GABRD: variants seen among roughly 807,000 people sequenced by gnomAD.
The protein encoded by GABRD is gamma-aminobutyric acid type A receptor subunit delta.
GABRD carries 25 observed loss-of-function variants against 47.3 expected under a neutral mutation model. The observed-to-expected ratio is 0.53, with a 90% CI of 0.39 to 0.74. The LOEUF (loss-of-function observed/expected upper bound fraction) is 0.74. Ranked by LOEUF, GABRD falls within the 30% of genes least tolerant of loss-of-function variation. The pLI, the probability that GABRD is intolerant of heterozygous loss-of-function variation, is 0.00. For synonymous variants in GABRD, 314 were observed against 278.8 expected, an observed-to-expected ratio of 1.13 and a Z score of -1.26; for missense variants, 497 against 643.4, an observed-to-expected ratio of 0.77 and a Z score of 2.46.
intron 1 of GABRD, among the ~76,000 whole-genome samples, chr1:2,023,223 C>A (rs1027790336): frequency 2.0e-5 from 3 of 152,060 alleles, no homozygotes; most frequent in African/African-American, 7.2e-5. Flanking sequence ...CTGTGCCCTG[C>A]CCCTTGCCTC....
At position 2,028,222 on chromosome 1, in the gene GABRD, C is replaced by A. The variant is rs1466292262; in HGVS notation, c.621C>A (p.Asp207Glu). The A allele has an allele frequency of 1.2e-6, 2 of 1,612,372 alleles. No homozygotes were observed. The highest frequency in any genetic ancestry group is 2.7e-5 in the African/African-American group (2 of 74,896). The stretch of plus-strand genomic sequence containing the variant: ...GCCAGGAGCACATCCACGGGCTGGA[C>A]AAGCTGCAGCTGGCGCAGTTCACCA... ...SESQEHIHGL[D>E]KLQLAQFTIT... The change falls in exon 6 of 9, where the codon GAC becomes GAA. Residue 207 changes from aspartate to glutamate, a missense_variant. Asp to Glu is a conservative substitution (Grantham distance 45, BLOSUM62 2). Coordinates refer to ENST00000378585, the MANE Select transcript of GABRD (RefSeq NM_000815.5). The surrounding 1 kb of genome is among the most constrained non-coding windows in gnomAD (Gnocchi z 6.4).
rs751291944 is a variant in GABRD at position 2,029,193 on chromosome 1, C to T, written c.774C>T (p.Ser258=). Residue 258 remains serine, a synonymous_variant, in exon 7 of 9, where the codon TCC becomes TCT. Coordinates refer to ENST00000378585, the MANE Select transcript of GABRD (RefSeq NM_000815.5). Reference sequence around the variant, plus strand: ...ACATCATCCAATCCTACATGCCCTCCGTCCTGCTGGTCGCCATGTCCTGGG... The same window carrying T: ...ACATCATCCAATCCTACATGCCCTCTGTCCTGCTGGTCGCCATGTCCTGGG... ...GVYIIQSYMP[S]VLLVAMSWVS... 19 of 1,565,304 alleles carry T rather than the reference C, an allele frequency of 1.2e-5. No homozygotes were observed. The highest frequency in any genetic ancestry group is 3.5e-5 in the South Asian group (3 of 85,230).
intron 4 of GABRD, chr1:2,027,292 T>A: frequency 2.0e-6 from 1 of 493,830 alleles, no homozygotes; most frequent in Non-Finnish European, 3.7e-6. Flanking sequence ...GGCCAGGGCC[T>A]GGGTGTGAAG....
rs1659032906 is a variant in GABRD, at chr1:2,029,777, C to T, written c.1059+15C>T. On this transcript the variant is annotated intron_variant, in intron 8 of 8. Transcript: ENST00000378585. ...CGAGGGCAGAGGTGAGGGCCTGGGG[C>T]CGAGCCAGGGACAGCACTGCTGGGG... 6.2e-7 allele frequency: 1 copy of T among 1,604,304 alleles called. No homozygotes were observed. Among genetic ancestry groups the T allele is most frequent in the Admixed American group, 1.7e-5 (1 of 59,984 alleles).
intron 1 of GABRD, 175 bp from the exon 2 acceptor site, chr1:2,024,766 GT>G: frequency 3.6e-6 from 2 of 562,656 alleles, no homozygotes; most frequent in Non-Finnish European, 6.4e-6. Context: ...GGGGTTCCCT[GT>G]GTCCAGCCAG....
Position 2,028,350 on chromosome 1 carries a change from A to C in GABRD, c.691+58A>C. ...CCCGCCGCCCCTTCCGCGCGCGCCC[A>C]CCGCCCCTTCCGCGCGCGCCCACCG... On this transcript the variant is annotated intron_variant, in intron 6 of 8. Transcript: ENST00000378585. This position sits in a 1 kb window ranked among gnomAD's most constrained non-coding sequence, Gnocchi z 6.4. 3 of 1,455,050 alleles carry C rather than the reference A, an allele frequency of 2.1e-6. No individual in the cohort carries two copies. The highest frequency in any genetic ancestry group is 1.8e-6 in the Non-Finnish European group (2 of 1,091,854). 90.1% of individuals were successfully genotyped at this position (1,455,050 alleles called of 1,614,324 possible). A position where few individuals can be genotyped will look rare whatever the true frequency, so the allele number is the denominator to read the frequency against.
rs779212216 is a variant in GABRD at position 2,028,120 on chromosome 1, G to A, written c.554-35G>A. Reference sequence around the variant, plus strand: ...CTGCCAGGGCTCCCGGGGCAGGGCCGGGCTCTGCCGCCCACCTGTGTGCTT... The same window carrying A: ...CTGCCAGGGCTCCCGGGGCAGGGCCAGGCTCTGCCGCCCACCTGTGTGCTT... On this transcript the variant is annotated intron_variant, in intron 5 of 8. Transcript: ENST00000378585. The surrounding 1 kb of genome is among the most constrained non-coding windows in gnomAD (Gnocchi z 6.4). 3.8e-6 allele frequency: 6 copies of A among 1,593,346 alleles called. No homozygotes were observed. Among genetic ancestry groups the A allele is most frequent in the South Asian group, 1.1e-5 (1 of 89,936 alleles).
intron 1 of GABRD, 43 bp downstream of exon 1, chr1:2,019,534 G>A (rs1189588239): frequency 9.3e-7 from 1 of 1,080,358 alleles, no homozygotes; most frequent in Non-Finnish European, 1.1e-6. Flanking sequence ...GGGGGCGGTG[G>A]GGGGCCCGCG....
chr1:2,029,297 C>T, intron 7 of GABRD, 31 bp downstream of exon 7: 2 of 1,540,576 alleles, frequency 1.3e-6, no homozygotes. Context: ...TCCGAGGGAG[C>T]TGGAAGGGCG....
At chr1:2,027,425 T>C (rs1275136119) in intron 4 of GABRD, 152 bp from the exon 5 acceptor site, 1 of 704,006 alleles carries the variant, frequency 1.4e-6, no homozygotes, top group South Asian at 1.5e-5. Flanking sequence ...TTGAGCAGTT[T>C]CCAGGTTTAC....
Position 2,028,833 on chromosome 1 carries a change from C to T in GABRD, c.692-278C>T, listed in dbSNP as rs796564191. 20 of 525,572 alleles carry T rather than the reference C, an allele frequency of 3.8e-5. 1 individual carries two copies. The South Asian group carries it at 4.6e-4, about 12-fold the overall frequency. 32.6% of individuals were successfully genotyped at this position (525,572 alleles called of 1,614,324 possible). A position where few individuals can be genotyped will look rare whatever the true frequency, so the allele number is the denominator to read the frequency against. On this transcript the variant is annotated intron_variant, in intron 6 of 8. Coordinates refer to ENST00000378585, the MANE Select transcript of GABRD (RefSeq NM_000815.5). This position sits in a 1 kb window ranked among gnomAD's most constrained non-coding sequence, Gnocchi z 6.4. ...CCCTCCCCATTGGTTGCGAGGGTCC[C>T]TCAGGGCCAGTCCAGCAAACATGAG... is the stretch of plus-strand genomic sequence containing the variant.
At position 2,027,315 on chromosome 1, in the gene GABRD, C is replaced by G. The variant is rs528381770; in HGVS notation, c.471-262C>G. On this transcript the variant is annotated intron_variant, in intron 4 of 8. Transcript: ENST00000378585. Reference sequence around the variant, plus strand: ...CCTGGGTGTGAAGGCTGTCCCCTGCCCCGTAGGCCCCCAGCCTAGTTCAAT... The same window carrying G: ...CCTGGGTGTGAAGGCTGTCCCCTGCGCCGTAGGCCCCCAGCCTAGTTCAAT... The G allele has an allele frequency of 9.2e-5, 48 of 524,262 alleles. No homozygotes were observed. In the East Asian group the frequency reaches 1.7e-3, roughly 18 times the overall value. 32.5% of individuals were successfully genotyped at this position (524,262 alleles called of 1,614,324 possible). A position where few individuals can be genotyped will look rare whatever the true frequency, so the allele number is the denominator to read the frequency against.
intron 1 of GABRD, among the ~76,000 whole-genome samples, chr1:2,020,708 G>C (rs1658749113): frequency 6.6e-6 from 1 of 152,200 alleles, no homozygotes; most frequent in African/African-American, 2.4e-5. Flanking sequence ...TGCTGTGCTG[G>C]AGCCATGGGG....
Position 2,027,791 on chromosome 1 carries a change from G to GA in GABRD, c.553+134dup, listed in dbSNP as rs1262950557. The GA allele has an allele frequency of 1.2e-5, 10 of 838,218 alleles. No individual in the cohort carries two copies. The African/African-American group carries it at 1.7e-4, about 14-fold the overall frequency. 51.9% of individuals were successfully genotyped at this position (838,218 alleles called of 1,614,324 possible). A position where few individuals can be genotyped will look rare whatever the true frequency, so the allele number is the denominator to read the frequency against. ...GCACCAAACCAGCTTCTGCATGCAA[G>GA]AAGCCTGGGCAGGAGGAGAAGGGGC... On this transcript the variant is annotated intron_variant, in intron 5 of 8. Transcript: ENST00000378585.
intron 7 of GABRD, 96 bp from the exon 8 acceptor site, chr1:2,029,455 G>A (rs1243942566): frequency 2.6e-6 from 4 of 1,526,486 alleles, no homozygotes; most frequent in South Asian, 1.2e-5. Flanking sequence ...GGGGGTGGGG[G>A]GCAGCGGACC....
In GABRD at chr1:2,019,442, C is replaced by A; in HGVS notation, c.19C>A (p.Leu7Met). 1 of 1,091,628 alleles carries A rather than the reference C, an allele frequency of 9.2e-7. No individual in the cohort carries two copies. Among genetic ancestry groups the A allele is most frequent in the East Asian group, 6.1e-5 (1 of 16,324 alleles). 67.6% of individuals were successfully genotyped at this position (1,091,628 alleles called of 1,614,324 possible). A position where few individuals can be genotyped will look rare whatever the true frequency, so the allele number is the denominator to read the frequency against. The change falls in exon 1 of 9, where the codon CTG (leucine) becomes ATG (methionine). Residue 7 changes from leucine (L) to methionine (M), a missense_variant. Leu to Met is a conservative substitution (Grantham distance 15). This residue lies in a region of GABRD where 91 missense variants were observed against 85.5 expected (regional missense o/e 1.06). Coordinates refer to ENST00000378585, the MANE Select transcript of GABRD (RefSeq NM_000815.5). MDAPAR[L>M]LAPLLLLCAQ... ...CGCGGCCATGGACGCGCCCGCCCGG[C>A]TGCTGGCCCCGCTCCTGCTCCTCTG...
chr1:2,020,442 A>C (rs1658741771), intron 1 of GABRD, among the ~76,000 whole-genome samples: 1 of 152,230 alleles, frequency 6.6e-6, no homozygotes, highest in South Asian at 2.1e-4. Flanking sequence ...CGTAGTAGAG[A>C]TGGCAGCACC....
At chr1:2,023,111 A>G (rs978822123) in intron 1 of GABRD, among the ~76,000 whole-genome samples, 5 of 151,464 alleles carry the variant, frequency 3.3e-5, no homozygotes, top group Non-Finnish European at 7.4e-5. Context: ...GAGAGTGTCC[A>G]CCTCCCAGCA....
chr1:2,029,744 C>T lies in GABRD; in HGVS notation c.1041C>T (p.Val347=). 1.2e-6 allele frequency: 2 copies of T among 1,613,040 alleles called. No individual in the cohort carries two copies. Among genetic ancestry groups the T allele is most frequent in the Non-Finnish European group, 1.7e-6 (2 of 1,179,918 alleles). ...YRKKQKAKVK[V]SRPRAEMDVR... is the part of the protein sequence containing the mutation. ...AGAAGCAGAAGGCCAAGGTCAAGGTCTCCAGGCCGAGGGCAGAGGTGAGGG... is the reference window on the plus strand; with the variant it reads ...AGAAGCAGAAGGCCAAGGTCAAGGTTTCCAGGCCGAGGGCAGAGGTGAGGG... The change falls in exon 8 of 9, where the codon GTC becomes GTT. Residue 347 remains valine (V), a synonymous_variant. Coordinates refer to ENST00000378585, the MANE Select transcript of GABRD (RefSeq NM_000815.5).
Sources: allele counts gnomAD v4.1 joint callset (sites outside exome capture counted in the v4.1 genomes callset), GRCh38; gene constraint gnomAD v4.1.1; regional missense constraint gnomAD v4.1.1; non-coding constraint Gnocchi (gnomAD v3.1); transcripts MANE v1.5; gene names NCBI Gene and HGNC (gene_info 2026-07-23, HGNC 2026-07-21).